The following RPL15 variants were observed in gnomAD, a reference collection of about 807,000 sequenced individuals.
The protein encoded by RPL15 is large ribosomal subunit protein eL15.
For missense variants in RPL15, 161 were observed against 271.8 expected, an observed-to-expected ratio of 0.59 and a Z score of 2.87; for synonymous variants, 97 against 95.1, an observed-to-expected ratio of 1.02 and a Z score of -0.12.
chr3:23,920,672 T>C lies in RPL15; in HGVS notation c.*1171T>C. 1 of 985,322 alleles carries C rather than the reference T, an allele frequency of 1.0e-6. No homozygotes were observed. The highest frequency in any genetic ancestry group is 1.2e-6 in the Non-Finnish European group (1 of 829,856). The allele number at this position is 985,322 out of a possible 1,614,324, so 61.0% of individuals were successfully genotyped here. A position where few individuals can be genotyped will look rare whatever the true frequency, so the allele number is the denominator to read the frequency against. The stretch of plus-strand genomic sequence containing the variant: ...TCTGAACCAATTTTCTCCTATCTTC[T>C]CTAGGGGTTTCAAAAGACTCAGTTA... On this transcript the variant is annotated 3_prime_UTR_variant, in exon 4 of 4. Coordinates refer to ENST00000307839, the MANE Select transcript of RPL15 (RefSeq NM_002948.5).
chr3:23,918,168 CAGTT>C (rs1198645308), intron 2 of RPL15, 137 bp downstream of exon 2: 2 of 1,129,912 alleles, frequency 1.8e-6, no homozygotes, highest in African/African-American at 3.2e-5. Context: ...CAACACTGGT[CAGTT>C]ACTGTATGCA....
At chr3:23,917,772 G>A in intron 1 of RPL15, 78 bp from the exon 2 acceptor site, 2 of 1,399,934 alleles carry the variant, frequency 1.4e-6, no homozygotes, top group South Asian at 1.4e-5. Context: ...GTTTTTGTTG[G>A]GGAACTAAGA....
intron 3 of RPL15, 51 bp downstream of exon 3, chr3:23,918,627 G>C (rs1217113606): frequency 6.3e-7 from 1 of 1,580,824 alleles, no homozygotes; most frequent in East Asian, 2.3e-5. Context: ...GGGATGGTGG[G>C]AGAGAGAGAT....
Position 23,920,499 on chromosome 3 carries a change from A to G in RPL15, c.*998A>G. 3.0e-6 allele frequency: 3 copies of G among 985,284 alleles called. No individual in the cohort carries two copies. The highest frequency in any genetic ancestry group is 3.5e-5 in the African/African-American group (2 of 57,372). The allele number at this position is 985,284 out of a possible 1,614,324, so 61.0% of individuals were successfully genotyped here. A position where few individuals can be genotyped will look rare whatever the true frequency, so the allele number is the denominator to read the frequency against. ...TTGTGCACCCACTTTGACTATGAGT[A>G]TACCACCACATTGCATTTCTGTTTG... On this transcript the variant is annotated 3_prime_UTR_variant, in exon 4 of 4. Transcript: ENST00000307839.
At position 23,918,157 on chromosome 3, in the gene RPL15, G is replaced by C. The variant is rs1575119090; in HGVS notation, c.172+126G>C. 3 of 1,217,240 alleles carry C rather than the reference G, an allele frequency of 2.5e-6. No individual in the cohort carries two copies. The East Asian group carries it at 7.5e-5, about 31-fold the overall frequency. The allele number at this position is 1,217,240 out of a possible 1,614,324, so 75.4% of individuals were successfully genotyped here. Reference sequence around the variant, plus strand: ...ATAGGGCTTTGGCAGAAAAAAGCTAGCAACACTGGTCAGTTACTGTATGCA... The same window carrying C: ...ATAGGGCTTTGGCAGAAAAAAGCTACCAACACTGGTCAGTTACTGTATGCA... On this transcript the variant is annotated intron_variant, in intron 2 of 3. Coordinates refer to ENST00000307839, the MANE Select transcript of RPL15 (RefSeq NM_002948.5).
downstream of RPL15, among the ~76,000 whole-genome samples, chr3:23,921,309 A>G (rs1284151820): frequency 6.6e-6 from 1 of 152,222 alleles, no homozygotes; most frequent in East Asian, 1.9e-4. Context: ...GTGCAAAAAA[A>G]TCAAAAGTCC....
downstream of RPL15, chr3:23,923,592 C>A (rs1371646483): frequency 6.6e-6 from 1 of 152,040 alleles, no homozygotes; most frequent in East Asian, 1.9e-4. Flanking sequence ...GGATGTGGAC[C>A]CTCCTGATGG....
chr3:23,920,177 T>TAA lies in RPL15; in HGVS notation c.*677_*678insAA. On this transcript the variant is annotated 3_prime_UTR_variant, in exon 4 of 4. Coordinates refer to ENST00000307839, the MANE Select transcript of RPL15 (RefSeq NM_002948.5). The stretch of plus-strand genomic sequence containing the variant: ...GGTGAGCCAGTGGCCATTAGATAAA[T>TAA]ACCTTTCAAGTGTGAGCTTAGACGT... 2 of 985,810 alleles carry TAA rather than the reference T, an allele frequency of 2.0e-6. No individual in the cohort carries two copies. The highest frequency in any genetic ancestry group is 1.2e-6 in the Non-Finnish European group (1 of 829,896). The allele number at this position is 985,810 out of a possible 1,614,324, so 61.1% of individuals were successfully genotyped here.
At chr3:23,916,726 G>A (rs555165836), upstream of RPL15, 1 of 152,426 alleles carries the variant, frequency 6.6e-6, no homozygotes, top group South Asian at 2.1e-4. Flanking sequence ...AGCGCAGCGC[G>A]GAGACGCGGA....
chr3:23,919,635 G>A lies in RPL15; in HGVS notation c.*134G>A. ...GCTTTGTCAAATTAAGAAAGTTAAA[G>A]TGCAATAATGTTTGAAGACAATAAG... On this transcript the variant is annotated 3_prime_UTR_variant, in exon 4 of 4. Coordinates refer to ENST00000307839, the MANE Select transcript of RPL15 (RefSeq NM_002948.5). 6 of 1,420,970 alleles carry A rather than the reference G, an allele frequency of 4.2e-6. No individual in the cohort carries two copies. Among genetic ancestry groups the A allele is most frequent in the South Asian group, 3.2e-5 (2 of 62,632 alleles). The allele number at this position is 1,420,970 out of a possible 1,614,324, so 88.0% of individuals were successfully genotyped here.
In RPL15 at chr3:23,919,029, T is replaced by C. The variant is rs1227313627; in HGVS notation, c.310-167T>C. On this transcript the variant is annotated intron_variant, in intron 3 of 3. Coordinates refer to ENST00000307839, the MANE Select transcript of RPL15 (RefSeq NM_002948.5). ...TGTGTGTTGTTTTAGCAAGTCTACA[T>C]TATCTCATTACACTTGTGATAGTCT... is the stretch of plus-strand genomic sequence containing the variant. The C allele has an allele frequency of 1.8e-5, 11 of 615,114 alleles. 1 individual carries two copies. Among genetic ancestry groups the C allele is most frequent in the South Asian group, 1.0e-4 (5 of 49,928 alleles). The allele number at this position is 615,114 out of a possible 1,614,324, so 38.1% of individuals were successfully genotyped here. A position where few individuals can be genotyped will look rare whatever the true frequency, so the allele number is the denominator to read the frequency against.
rs1197292236 is a variant in RPL15, at chr3:23,918,588, T to G, written c.309+12T>G. ...AGTCCGTTGCAGAGGTAAATGGTTT[T>G]GAGTAGCAGTTATATTGAATACTGC... On this transcript the variant is annotated intron_variant, in intron 3 of 3. Transcript: ENST00000307839. The G allele has an allele frequency of 4.3e-6, 7 of 1,611,984 alleles. No homozygotes were observed. The highest frequency in any genetic ancestry group is 5.9e-6 in the Non-Finnish European group (7 of 1,179,448).
rs1237659741 is a variant in RPL15 at position 23,918,558 on chromosome 3, C to T, written c.291C>T (p.Ser97=). The change falls in exon 3 of 4, where the codon AGC becomes AGT. Residue 97 remains serine, a synonymous_variant. Transcript: ENST00000307839. The part of the protein sequence containing the change: ...HGVNQLKFAR[S]LQSVAEERAG... ...TTAACCAGCTAAAGTTTGCTCGAAG[C>T]CTTCAGTCCGTTGCAGAGGTAAATG... The T allele has an allele frequency of 3.7e-6, 6 of 1,613,806 alleles. No individual in the cohort carries two copies. Among genetic ancestry groups the T allele is most frequent in the East Asian group, 2.2e-5 (1 of 44,898 alleles).
downstream of RPL15, chr3:23,921,575 T>G (rs761148373): frequency 0.035 from 19,022 of 538,746 alleles, 183 homozygotes; most frequent in African/African-American, 0.074. Flanking sequence ...ATTGAGTTTT[T>G]TTTTTTTTTT....
In RPL15 at chr3:23,920,827, T is replaced by G; in HGVS notation, c.*1326T>G. On this transcript the variant is annotated 3_prime_UTR_variant, in exon 4 of 4. Transcript: ENST00000307839. ...GAGGTTGTTCAACTGAAGGAATAAA[T>G]GTCTATTAAACTAAAACAAATGGAC... 2 of 924,944 alleles carry G rather than the reference T, an allele frequency of 2.2e-6. No individual in the cohort carries two copies. The highest frequency in any genetic ancestry group is 5.5e-4 in the Middle Eastern group (1 of 1,812). 57.3% of individuals were successfully genotyped at this position (924,944 alleles called of 1,614,324 possible). A position where few individuals can be genotyped will look rare whatever the true frequency, so the allele number is the denominator to read the frequency against.
chr3:23,918,858 T>C (rs1220930557), intron 3 of RPL15: 1 of 504,818 alleles, frequency 2.0e-6, no homozygotes, highest in Non-Finnish European at 3.5e-6. Context: ...ATATACTAAA[T>C]ATTTTTAAAG....
intron 1 of RPL15, 176 bp from the exon 2 acceptor site, chr3:23,917,674 A>T: frequency 1.6e-6 from 1 of 611,242 alleles, no homozygotes; most frequent in South Asian, 2.1e-5. Flanking sequence ...AAGTGACTGA[A>T]CGCGGCTCCG....
chr3:23,922,530 G>A (rs1705123755), downstream of RPL15: 1 of 152,240 alleles, frequency 6.6e-6, no homozygotes, highest in Non-Finnish European at 1.5e-5. The surrounding 1 kb of genome is among the most constrained non-coding windows in gnomAD (Gnocchi z 4.2). Context: ...TGGGACTACA[G>A]GCACGCACCA....
chr3:23,921,684 T>A, downstream of RPL15: 1 of 670,032 alleles, frequency 1.5e-6, no homozygotes, highest in Non-Finnish European at 2.7e-6. Context: ...GAGCAATTCT[T>A]CTGCCTCGGC....
Sources: allele counts gnomAD v4.1 joint callset (sites outside exome capture counted in the v4.1 genomes callset), GRCh38; gene constraint gnomAD v4.1.1; non-coding constraint Gnocchi (gnomAD v3.1); transcripts MANE v1.5; gene names NCBI Gene and HGNC (gene_info 2026-07-23, HGNC 2026-07-21).